Variants in TXLNB observed in about 807,000 individuals in gnomAD.
TXLNB encodes the protein beta-taxilin.
A neutral mutation model predicts 57.4 loss-of-function variants in TXLNB; 37 were observed. The ratio of observed to expected loss-of-function variants is 0.64; its 90% confidence interval spans 0.50 to 0.85. TXLNB has a LOEUF of 0.85. Among genes scored for constraint, TXLNB ranks in the 40% least tolerant of loss-of-function variants. The pLI is 0.00. For synonymous variants in TXLNB, 302 were observed against 309.6 expected (o/e 0.98, Z 0.26); for missense variants, 848 against 825.6 (o/e 1.03, Z -0.33).
chr6:139,249,687 GGGTTTTCCCCAATAATTT>G (rs1250787023), intron 7 of TXLNB, among the ~76,000 whole-genome samples: 2 of 152,246 alleles, frequency 1.3e-5, no homozygotes, highest in Non-Finnish European at 2.9e-5. Flanking sequence ...TATCTAGAAT[GGGTTTTCCCCAATAATTT>G]GGAGTAGTAG....
the TXLNB span, among the ~76,000 whole-genome samples, chr6:139,193,999 G>T: frequency 6.7e-6 from 1 of 150,308 alleles, no homozygotes; most frequent in Non-Finnish European, 1.5e-5. Context: ...CCGCCACCAC[G>T]CCCGGCCAAT....
At chr6:139,295,984 G>A (rs1000680538), upstream of TXLNB, among the ~76,000 whole-genome samples, 2 of 152,014 alleles carry the variant, frequency 1.3e-5, no homozygotes, top group African/African-American at 4.8e-5. Context: ...ATGTATTCTA[G>A]TACTTTTTTG....
chr6:139,214,348 C>A, the TXLNB span, among the ~76,000 whole-genome samples: 1 of 152,128 alleles, frequency 6.6e-6, no homozygotes. Context: ...AAACGTAATC[C>A]AGCATACAAA....
intron 2 of TXLNB, chr6:139,287,184 T>C (rs567335761): frequency 6.5e-6 from 1 of 152,742 alleles, no homozygotes; most frequent in East Asian, 1.9e-4. Context: ...CACATGACTT[T>C]ACCTAAAAGC....
At chr6:139,169,009 C>T in the TXLNB span, among the ~76,000 whole-genome samples, 3 of 152,156 alleles carry the variant, frequency 2.0e-5, no homozygotes, top group Non-Finnish European at 2.9e-5. Flanking sequence ...CTTCATATAT[C>T]CCTAATGTTC....
downstream of TXLNB, chr6:139,239,474 C>T (rs1582983230): frequency 6.6e-6 from 1 of 152,358 alleles, no homozygotes; most frequent in African/African-American, 2.4e-5. This position sits in a 1 kb window ranked among gnomAD's most constrained non-coding sequence, Gnocchi z 4.7. Context: ...TCCAGTGCTT[C>T]TCTCTTATAG....
the TXLNB span, among the ~76,000 whole-genome samples, chr6:139,319,749 A>AGT: frequency 6.6e-6 from 1 of 151,600 alleles, no homozygotes; most frequent in African/African-American, 2.4e-5. Context: ...TGGGTGGCAG[A>AGT]GTGAGACCCT....
chr6:139,203,865 G>C, the TXLNB span, among the ~76,000 whole-genome samples: 1 of 152,148 alleles, frequency 6.6e-6, no homozygotes, highest in Admixed American at 6.5e-5. Context: ...TTAGGGACTT[G>C]AGTTGAAATT....
chr6:139,314,154 G>A, the TXLNB span, among the ~76,000 whole-genome samples: 1 of 152,140 alleles, frequency 6.6e-6, no homozygotes, highest in Admixed American at 6.5e-5. Flanking sequence ...TCTCTTGTGG[G>A]GAAAATCTAC....
At chr6:139,309,998 A>C in the TXLNB span, among the ~76,000 whole-genome samples, 2 of 152,216 alleles carry the variant, frequency 1.3e-5, no homozygotes, top group African/African-American at 4.8e-5. Flanking sequence ...TAAAGACCTA[A>C]ATGGAAGACC....
chr6:139,311,986 C>A, the TXLNB span, among the ~76,000 whole-genome samples: 1 of 152,154 alleles, frequency 6.6e-6, no homozygotes, highest in African/African-American at 2.4e-5. Flanking sequence ...ACCCTCATGA[C>A]CTAATCACTT....
chr6:139,222,012 A>T, the TXLNB span, among the ~76,000 whole-genome samples: 31 of 152,190 alleles, frequency 2.0e-4, no homozygotes, highest in Non-Finnish European at 4.0e-4. Flanking sequence ...TAATAAAAAT[A>T]TATAATCCAA....
At chr6:139,321,041 TACTC>T in the TXLNB span, among the ~76,000 whole-genome samples, 1 of 152,332 alleles carries the variant, frequency 6.6e-6, no homozygotes, top group East Asian at 1.9e-4. Context: ...AGGCCTGAAA[TACTC>T]ACCTCCAGAC....
In TXLNB at chr6:139,248,009, T is replaced by C; in HGVS notation, c.1078-100A>G. The C allele has an allele frequency of 3.3e-6, 2 of 603,190 alleles. 1 individual carries two copies. The highest frequency in any genetic ancestry group is 6.1e-5 in the South Asian group (2 of 32,800). 37.4% of individuals were successfully genotyped at this position (603,190 alleles called of 1,614,324 possible). A position where few individuals can be genotyped will look rare whatever the true frequency, so the allele number is the denominator to read the frequency against. ...AATTCTCAATATAGTATTAGTAATA[T>C]GTTTAATTATTTTATTTACTACAAG... On this transcript the variant is annotated intron_variant, in intron 7 of 9. Coordinates refer to ENST00000358430, the MANE Select transcript of TXLNB (RefSeq NM_153235.4).
rs1177065344 is a variant in TXLNB, at chr6:139,240,200, T to C, written c.*2326A>G. 1 of 152,640 alleles carries C rather than the reference T, an allele frequency of 6.6e-6. No homozygotes were observed. The highest frequency in any genetic ancestry group is 1.5e-5 in the Non-Finnish European group (1 of 68,024). 9.5% of individuals were successfully genotyped at this position (152,640 alleles called of 1,614,324 possible). ...ACACTTGATAAAGAACAGACATTCC[T>C]TCTGAATTTAGAACTTTATGAGTTA... On this transcript the variant is annotated 3_prime_UTR_variant, in exon 10 of 10. Coordinates refer to ENST00000358430, the MANE Select transcript of TXLNB (RefSeq NM_153235.4).
the TXLNB span, among the ~76,000 whole-genome samples, chr6:139,227,400 T>C: frequency 1.2e-3 from 180 of 150,776 alleles, 1 homozygote; most frequent in African/African-American, 4.0e-3. Context: ...CGCTTCCAAA[T>C]GGCTAAAATG....
the TXLNB span, among the ~76,000 whole-genome samples, chr6:139,313,575 ATTG>A: frequency 2.1e-3 from 324 of 152,304 alleles, no homozygotes; most frequent in African/African-American, 7.4e-3. Flanking sequence ...TGCAGGAGGT[ATTG>A]TTGAACATCT....
chr6:139,316,695 T>C, the TXLNB span, among the ~76,000 whole-genome samples: 2 of 152,232 alleles, frequency 1.3e-5, no homozygotes, highest in Non-Finnish European at 1.5e-5. Context: ...AAGTATTTTT[T>C]AAAAAACAGC....
intron 8 of TXLNB, 68 bp from the exon 9 acceptor site, chr6:139,244,758 A>T: frequency 9.5e-7 from 1 of 1,054,680 alleles, no homozygotes; most frequent in South Asian, 1.3e-5. Flanking sequence ...TATTAGCTCC[A>T]TATGTGAGAC....
Sources: gnomAD v4.1 joint callset for allele counts (sites outside exome capture counted in the v4.1 genomes callset) on GRCh38, gnomAD v4.1.1 for gene constraint, Gnocchi (gnomAD v3.1) non-coding constraint, MANE v1.5 for transcripts, NCBI Gene and HGNC (gene_info 2026-07-23, HGNC 2026-07-21) for gene names.